The following ZC3H13 variants were observed in gnomAD, a reference collection of about 807,000 sequenced individuals.
ZC3H13 encodes zinc finger CCCH-type containing 13.
In ZC3H13, 64 loss-of-function variants were observed where a neutral mutation model predicts 204.1. The ratio of observed to expected loss-of-function variants is 0.31; its 90% CI spans 0.26 to 0.39. The LOEUF is 0.39. ZC3H13 is among the 10% of genes least tolerant of loss of function. ZC3H13 has a pLI of 1.00. For synonymous variants in ZC3H13, 667 were observed against 693.7 expected (o/e 0.96, Z 0.60); for missense variants, 1,833 against 2,082.7 (o/e 0.88, Z 2.33).
At chr13:46,039,535 A>G (rs758727424) in intron 4 of ZC3H13, among the ~76,000 whole-genome samples, 4 of 152,186 alleles carry the variant, frequency 2.6e-5, no homozygotes, top group African/African-American at 4.8e-5. Flanking sequence ...CAATTCCTAA[A>G]GTAATATGCT....
At chr13:46,037,511 A>G (rs2043285030) in intron 4 of ZC3H13, among the ~76,000 whole-genome samples, 1 of 152,226 alleles carries the variant, frequency 6.6e-6, no homozygotes, top group African/African-American at 2.4e-5. Flanking sequence ...TTTCAAAGCT[A>G]ATTTATCTTT....
At chr13:46,049,344 T>TA (rs2044239498) in intron 1 of ZC3H13, among the ~76,000 whole-genome samples, 1 of 151,830 alleles carries the variant, frequency 6.6e-6, no homozygotes, top group Non-Finnish European at 1.5e-5. Flanking sequence ...TTTAATGTGA[T>TA]ATATATATGT....
chr13:46,031,179 G>A (rs1047174501), intron 4 of ZC3H13, among the ~76,000 whole-genome samples: 1 of 152,082 alleles, frequency 6.6e-6, no homozygotes. Context: ...ATGAAAAAAG[G>A]ATAGTCTTTT....
Position 45,969,866 on chromosome 13 carries a change from T to C in ZC3H13, c.2678A>G (p.Asp893Gly), listed in dbSNP as rs766341038. 2 of 1,613,890 alleles carry C rather than the reference T, an allele frequency of 1.2e-6. No homozygotes were observed. Among genetic ancestry groups the C allele is most frequent in the South Asian group, 1.1e-5 (1 of 91,080 alleles). ...EDRQGRWKEEDRKPERKESSR... is the reference protein window; with the variant it reads ...EDRQGRWKEEGRKPERKESSR... Reference sequence around the variant, plus strand: ...ACTCTCTTTCCTTTCTGGTTTACGATCCTCCTCTTTCCATCTACCCTGTCT... The same window carrying C: ...ACTCTCTTTCCTTTCTGGTTTACGACCCTCCTCTTTCCATCTACCCTGTCT... The change falls in exon 14 of 19, where the codon GAT (aspartate) becomes GGT (glycine). Residue 893 changes from aspartate to glycine, a missense_variant. Physicochemically the swap from Asp to Gly is moderately conservative, Grantham distance 94. Around this residue, in one of 5 missense-constraint regions of ZC3H13, gnomAD observed 1,574 missense variants for 1,757.2 expected, o/e 0.90. Transcript: ENST00000679008.
chr13:45,984,575 A>C (rs779419601), intron 10 of ZC3H13, among the ~76,000 whole-genome samples: 1 of 152,218 alleles, frequency 6.6e-6, no homozygotes, highest in Non-Finnish European at 1.5e-5. Context: ...AAGGTCAAGA[A>C]AAGACAAGGC....
intron 9 of ZC3H13, among the ~76,000 whole-genome samples, chr13:45,986,070 A>G (rs917918153): frequency 6.6e-6 from 1 of 152,214 alleles, no homozygotes; most frequent in African/African-American, 2.4e-5. Flanking sequence ...TACTTTTCAG[A>G]AACCACTTTT....
At position 45,985,702 on chromosome 13, in the gene ZC3H13, C is replaced by A; in HGVS notation, c.1315G>T (p.Asp439Tyr). 6.2e-7 allele frequency: 1 copy of A among 1,613,900 alleles called. No homozygotes were observed. The highest frequency in any genetic ancestry group is 8.5e-7 in the Non-Finnish European group (1 of 1,179,978). The stretch of plus-strand genomic sequence containing the variant: ...CTGTGGTCTCTAGAAGAGCTCTGAT[C>A]CTGTTCATATTCTCGTTCTTCTCTT... ...DSREEREYEQ[D>Y]QSSSRDHRDD... Residue 439 changes from aspartate to tyrosine, a missense_variant, in exon 10 of 19, where the codon GAT (aspartate) becomes TAT (tyrosine). Around this residue, in one of 5 missense-constraint regions of ZC3H13, gnomAD observed 1,574 missense variants for 1,757.2 expected, o/e 0.90. Coordinates refer to ENST00000679008, the MANE Select transcript of ZC3H13 (RefSeq NM_001330564.2).
At chr13:46,017,072 T>C (rs1160287048) in intron 5 of ZC3H13, among the ~76,000 whole-genome samples, 1 of 152,112 alleles carries the variant, frequency 6.6e-6, no homozygotes, top group African/African-American at 2.4e-5. Flanking sequence ...TGGTCAATGC[T>C]AAATTGAGAG....
intron 18 of ZC3H13, among the ~76,000 whole-genome samples, chr13:45,957,715 A>G (rs1401584099): frequency 6.6e-6 from 1 of 152,210 alleles, no homozygotes; most frequent in Non-Finnish European, 1.5e-5. Flanking sequence ...ACAATCCTTC[A>G]GTTCTATGAA....
At chr13:45,986,345 C>G (rs1195462986) in intron 9 of ZC3H13, among the ~76,000 whole-genome samples, 1 of 152,208 alleles carries the variant, frequency 6.6e-6, no homozygotes, top group Non-Finnish European at 1.5e-5. Flanking sequence ...ACAGTGCCAG[C>G]TACTTGGGAG....
intron 8 of ZC3H13, among the ~76,000 whole-genome samples, chr13:45,999,944 C>T (rs978389808): frequency 6.6e-6 from 1 of 152,208 alleles, no homozygotes; most frequent in Non-Finnish European, 1.5e-5. Flanking sequence ...CCTGCGTAAA[C>T]AGGCACATCA....
At chr13:45,989,491 G>C (rs1196247418) in intron 8 of ZC3H13, among the ~76,000 whole-genome samples, 1 of 152,220 alleles carries the variant, frequency 6.6e-6, no homozygotes, top group Non-Finnish European at 1.5e-5. Flanking sequence ...TAGAGAGAAA[G>C]TGGCTTTGAG....
intron 8 of ZC3H13, among the ~76,000 whole-genome samples, chr13:45,998,847 A>G (rs975152674): frequency 6.6e-5 from 10 of 152,118 alleles, no homozygotes; most frequent in Admixed American, 3.3e-4. Flanking sequence ...AAAGAAGACA[A>G]TGATGAAGTT....
At chr13:45,965,250 T>C (rs764869501) in intron 16 of ZC3H13, 30 bp downstream of exon 16, 23 of 1,608,378 alleles carry the variant, frequency 1.4e-5, no homozygotes, top group Admixed American at 1.2e-4. Context: ...CAGATAATTT[T>C]CATGTTTAAC....
At chr13:46,020,898 C>A (rs937832095) in intron 4 of ZC3H13, among the ~76,000 whole-genome samples, 1 of 152,000 alleles carries the variant, frequency 6.6e-6, no homozygotes, top group African/African-American at 2.4e-5. Context: ...AATACTTTAA[C>A]AAACTTGTGA....
Position 45,967,624 on chromosome 13 carries a change from C to T in ZC3H13, c.4201G>A (p.Asp1401Asn). ...EAKLEGEHERDLESTSRDSLA... is the reference protein window; with the variant it reads ...EAKLEGEHERNLESTSRDSLA... ...GAGTCTCGGGAAGTGCTTTCTAGAT[C>T]CCTTTCATGTTCACCTTCCAGTTTT... is the stretch of plus-strand genomic sequence containing the variant. Residue 1401 changes from aspartate (D) to asparagine (N), a missense_variant, in exon 15 of 19, where the codon GAT (aspartate) becomes AAT (asparagine). By Grantham distance (23) the Asp-to-Asn change is conservative (BLOSUM62 1). Around this residue, in one of 5 missense-constraint regions of ZC3H13, gnomAD observed 1,574 missense variants for 1,757.2 expected, o/e 0.90. Transcript: ENST00000679008. 1 of 1,614,082 alleles carries T rather than the reference C, an allele frequency of 6.2e-7. No individual in the cohort carries two copies. The highest frequency in any genetic ancestry group is 8.5e-7 in the Non-Finnish European group (1 of 1,179,986).
intron 9 of ZC3H13, among the ~76,000 whole-genome samples, chr13:45,988,080 C>G (rs745744520): frequency 2.0e-5 from 3 of 152,100 alleles, no homozygotes; most frequent in Non-Finnish European, 2.9e-5. Context: ...ACTCCTTTAT[C>G]AAAACACTTC....
In ZC3H13 at chr13:46,036,006, A is replaced by C. The variant is rs147019812; in HGVS notation, c.339+6158T>G. On this transcript the variant is annotated intron_variant, in intron 4 of 18. Coordinates refer to ENST00000679008, the MANE Select transcript of ZC3H13 (RefSeq NM_001330564.2). ...GCAGAAAAAGAACAAGGTAAGGCCAAGTGCAGTGGCTCACAACTGTAATCC... is the reference window on the plus strand; with the variant it reads ...GCAGAAAAAGAACAAGGTAAGGCCACGTGCAGTGGCTCACAACTGTAATCC... 2.7e-3 allele frequency among the ~76,000 whole-genome samples: 408 copies of C among 152,208 alleles called. 4 individuals are homozygous for C. Among genetic ancestry groups the C allele is most frequent in the African/African-American group, 9.1e-3 (380 of 41,532 alleles).
rs1253658047 is a variant in ZC3H13 at position 46,003,921 on chromosome 13, A to G, written c.747-585T>C. 2.0e-5 allele frequency among the ~76,000 whole-genome samples: 3 copies of G among 152,204 alleles called. No individual in the cohort carries two copies. The East Asian group carries it at 5.8e-4, about 29-fold the overall frequency. On this transcript the variant is annotated intron_variant, in intron 7 of 18. Coordinates refer to ENST00000679008, the MANE Select transcript of ZC3H13 (RefSeq NM_001330564.2). The stretch of plus-strand genomic sequence containing the variant: ...AAATATAGAAGAAAAGCTTCATGAC[A>G]TTGGACTTGGCAATGATTTCTTGGC...
Sources: allele counts gnomAD v4.1 joint callset (sites outside exome capture counted in the v4.1 genomes callset), GRCh38; gene constraint gnomAD v4.1.1; regional missense constraint gnomAD v4.1.1; transcripts MANE v1.5; gene names NCBI Gene and HGNC (gene_info 2026-07-23, HGNC 2026-07-21).